The following RNGTT variants were observed in gnomAD, a reference collection of about 807,000 sequenced individuals.
RNGTT encodes RNA guanylyltransferase and 5'-phosphatase.
In RNGTT, 33 loss-of-function variants were observed where a neutral mutation model predicts 79.3. That is an observed-to-expected ratio of 0.42 (90% confidence interval 0.32 to 0.56). RNGTT has a LOEUF of 0.56. Ranked by LOEUF, RNGTT falls within the 20% of genes least tolerant of loss-of-function variation. RNGTT has a pLI of 0.17. For missense variants in RNGTT, 497 were observed against 739.1 expected, an observed-to-expected ratio of 0.67 and a Z score of 3.80; for synonymous variants, 222 against 235.9, an observed-to-expected ratio of 0.94 and a Z score of 0.54.
chr6:88,926,633 G>C (rs886712359), intron 4 of RNGTT, among the ~76,000 whole-genome samples: 2 of 152,184 alleles, frequency 1.3e-5, no homozygotes, highest in East Asian at 1.9e-4. Flanking sequence ...TTATAGAAGA[G>C]AGAGGTAGTT....
chr6:88,829,145 G>A (rs990256146), intron 11 of RNGTT, among the ~76,000 whole-genome samples: 15 of 152,142 alleles, frequency 9.9e-5, no homozygotes, highest in South Asian at 4.2e-4. Context: ...GAGAAAGGTC[G>A]GGTTACCCAC....
At chr6:88,942,027 G>T (rs942952001) in intron 1 of RNGTT, among the ~76,000 whole-genome samples, 1 of 151,542 alleles carries the variant, frequency 6.6e-6, no homozygotes, top group Admixed American at 6.6e-5. Context: ...GTCTCACTAT[G>T]TTGTCCAGGC....
chr6:88,666,316 T>TG (rs1562181201), intron 14 of RNGTT, among the ~76,000 whole-genome samples: 1 of 152,256 alleles, frequency 6.6e-6, no homozygotes, highest in Non-Finnish European at 1.5e-5. Flanking sequence ...GGCTGAGGCC[T>TG]GTGGCCTACC....
At chr6:88,635,359 G>GAATA (rs1773062724) in intron 14 of RNGTT, among the ~76,000 whole-genome samples, 1 of 152,010 alleles carries the variant, frequency 6.6e-6, no homozygotes, top group South Asian at 2.1e-4. Context: ...TTACACAGAG[G>GAATA]AATAAATCAG....
intron 11 of RNGTT, among the ~76,000 whole-genome samples, chr6:88,831,683 G>C (rs1230371842): frequency 6.6e-6 from 1 of 152,170 alleles, no homozygotes; most frequent in African/African-American, 2.4e-5. Context: ...TGCATATTTA[G>C]AAAACTCCAC....
chr6:88,799,914 G>A (rs753177293), intron 12 of RNGTT, among the ~76,000 whole-genome samples: 1 of 151,930 alleles, frequency 6.6e-6, no homozygotes, highest in Non-Finnish European at 1.5e-5. Context: ...TTTCAGTCTA[G>A]GGAGACTGGA....
At chr6:88,895,645 T>A (rs1783219827) in intron 6 of RNGTT, among the ~76,000 whole-genome samples, 1 of 152,208 alleles carries the variant, frequency 6.6e-6, no homozygotes, top group South Asian at 2.1e-4. Flanking sequence ...TGTCAAGAGA[T>A]GTGATCTATA....
chr6:88,613,345 C>A (rs1215806886), intron 15 of RNGTT, among the ~76,000 whole-genome samples: 1 of 152,238 alleles, frequency 6.6e-6, no homozygotes, highest in Non-Finnish European at 1.5e-5. Context: ...TTGTAGCTAG[C>A]AGACCATATT....
At chr6:88,801,241 A>G (rs1779772034) in intron 12 of RNGTT, among the ~76,000 whole-genome samples, 1 of 152,362 alleles carries the variant, frequency 6.6e-6, no homozygotes, top group Admixed American at 6.5e-5. Context: ...ACATTTATGT[A>G]ATGCTATTGG....
At chr6:88,870,936 T>A (rs542347515) in intron 8 of RNGTT, among the ~76,000 whole-genome samples, 1 of 152,162 alleles carries the variant, frequency 6.6e-6, no homozygotes, top group African/African-American at 2.4e-5. Flanking sequence ...AGCGAAGTCA[T>A]AAGATCCCAA....
At chr6:88,956,005 C>A (rs1390197587) in intron 1 of RNGTT, among the ~76,000 whole-genome samples, 2 of 136,648 alleles carry the variant, frequency 1.5e-5, no homozygotes, top group African/African-American at 5.6e-5. Flanking sequence ...GGCATCACTG[C>A]ACTCCAGCCT....
chr6:88,911,933 C>CA (rs1459056569), intron 4 of RNGTT, among the ~76,000 whole-genome samples: 2 of 150,460 alleles, frequency 1.3e-5, no homozygotes, highest in Admixed American at 6.6e-5. Flanking sequence ...CAAAAAATTT[C>CA]AAAAAATAAA....
chr6:88,863,633 A>G (rs1263780168), intron 8 of RNGTT, among the ~76,000 whole-genome samples: 1 of 152,118 alleles, frequency 6.6e-6, no homozygotes, highest in Non-Finnish European at 1.5e-5. Context: ...TAAATCTGTC[A>G]ATTTAAAAAG....
At chr6:88,638,587 C>T (rs532427552) in intron 14 of RNGTT, among the ~76,000 whole-genome samples, 1 of 152,154 alleles carries the variant, frequency 6.6e-6, no homozygotes, top group South Asian at 2.1e-4. Flanking sequence ...CAGTTTTATG[C>T]TTTAAAGTTT....
At chr6:88,915,462 C>T (rs7450450) in intron 4 of RNGTT, among the ~76,000 whole-genome samples, 17,867 of 152,180 alleles carry the variant, frequency 0.12, 1,157 homozygotes, top group Middle Eastern at 0.21. Context: ...TCACATCCCT[C>T]GCAGTAACAT....
intron 13 of RNGTT, among the ~76,000 whole-genome samples, chr6:88,697,171 G>A (rs1055188056): frequency 6.6e-6 from 1 of 152,106 alleles, no homozygotes; most frequent in Non-Finnish European, 1.5e-5. Context: ...AATCACCTCA[G>A]TCTCACTTAC....
chr6:88,945,313 TC>T (rs1784973053), intron 1 of RNGTT, among the ~76,000 whole-genome samples: 1 of 152,218 alleles, frequency 6.6e-6, no homozygotes, highest in South Asian at 2.1e-4. Flanking sequence ...TAATCTGGCT[TC>T]TGATCTCACA....
intron 1 of RNGTT, among the ~76,000 whole-genome samples, chr6:88,943,508 G>GGT (rs1784914607): frequency 6.6e-6 from 1 of 151,676 alleles, no homozygotes; most frequent in Admixed American, 6.6e-5. Context: ...ATATATAGTG[G>GGT]GTATGTACTA....
At chr6:88,642,576 G>C (rs1773365010) in intron 14 of RNGTT, among the ~76,000 whole-genome samples, 1 of 152,134 alleles carries the variant, frequency 6.6e-6, no homozygotes, top group Admixed American at 6.5e-5. Flanking sequence ...TCAAATGTAA[G>C]TCAGCAATAT....
Sources: gnomAD v4.1 joint callset for allele counts (sites outside exome capture counted in the v4.1 genomes callset) on GRCh38, gnomAD v4.1.1 for gene constraint, MANE v1.5 for transcripts, NCBI Gene and HGNC (gene_info 2026-07-23, HGNC 2026-07-21) for gene names.